The following ARHGAP26 variants were observed in gnomAD, a reference collection of about 807,000 sequenced individuals.
ARHGAP26 encodes Rho GTPase activating protein 26.
Under a neutral mutation model 104.8 loss-of-function variants are expected in ARHGAP26, and 38 were observed. The observed-to-expected ratio is 0.36, with a 90% CI of 0.28 to 0.48. ARHGAP26 has a LOEUF of 0.48. Ranked by LOEUF, ARHGAP26 falls within the 20% of genes least tolerant of loss-of-function variation. The pLI, the probability that ARHGAP26 is intolerant of heterozygous loss-of-function variation, is 0.99. For missense variants in ARHGAP26, 704 were observed against 947.9 expected, an observed-to-expected ratio of 0.74 and a Z score of 3.38; for synonymous variants, 341 against 340.0, an observed-to-expected ratio of 1.00 and a Z score of -0.03.
chr5:143,178,122 C>G (rs1352536705), intron 20 of ARHGAP26, among the ~76,000 whole-genome samples: 1 of 151,604 alleles, frequency 6.6e-6, no homozygotes, highest in African/African-American at 2.4e-5. Flanking sequence ...GCCTCAGCCT[C>G]CCAAGTAGCT....
At chr5:142,892,332 G>A (rs964931308) in intron 5 of ARHGAP26, among the ~76,000 whole-genome samples, 1 of 151,944 alleles carries the variant, frequency 6.6e-6, no homozygotes, top group African/African-American at 2.4e-5. Context: ...GTTTCAGGAT[G>A]ATCCAAGGGC....
chr5:143,045,457 T>C (rs1784081717), intron 14 of ARHGAP26, among the ~76,000 whole-genome samples: 1 of 152,218 alleles, frequency 6.6e-6, no homozygotes, highest in Non-Finnish European at 1.5e-5. Context: ...TCATCTTCTC[T>C]TTTGTGAACA....
chr5:143,092,882 T>G (rs1302693628), intron 17 of ARHGAP26, among the ~76,000 whole-genome samples: 2 of 151,964 alleles, frequency 1.3e-5, no homozygotes, highest in Non-Finnish European at 2.9e-5. Flanking sequence ...TTCCTAACTC[T>G]GCTTCTTCAA....
At chr5:143,120,055 G>C (rs1452760487) in intron 17 of ARHGAP26, among the ~76,000 whole-genome samples, 3 of 152,202 alleles carry the variant, frequency 2.0e-5, no homozygotes. Flanking sequence ...AGTTAGTAAT[G>C]AATAGCTTCC....
intron 1 of ARHGAP26, among the ~76,000 whole-genome samples, chr5:142,794,911 G>A (rs1760662987): frequency 6.6e-6 from 1 of 152,132 alleles, no homozygotes; most frequent in East Asian, 1.9e-4. Context: ...ATAACTAATA[G>A]AGCTTGTTGT....
rs902582439 is a variant in ARHGAP26 at position 143,076,670 on chromosome 5, A to G, written c.1538+18923A>G. ...ATACCCTTTTGAACTATGTTTTGAT[A>G]CTTTAAAAGGGATTATTTTGTGTGT... is the stretch of plus-strand genomic sequence containing the variant. On this transcript the variant is annotated intron_variant, in intron 17 of 22. Transcript: ENST00000645722. Among the ~76,000 whole-genome samples, 5 of 152,242 alleles carry G rather than the reference A, an allele frequency of 3.3e-5. No homozygotes were observed. The East Asian group carries it at 9.6e-4, about 29-fold the overall frequency.
At chr5:143,151,735 C>T (rs918329449) in intron 20 of ARHGAP26, among the ~76,000 whole-genome samples, 1 of 152,110 alleles carries the variant, frequency 6.6e-6, no homozygotes, top group African/African-American at 2.4e-5. Context: ...GCAGGCAGAT[C>T]GCTTGAGGTC....
At position 142,879,429 on chromosome 5, in the gene ARHGAP26, AG is replaced by A. The variant is rs1157375490; in HGVS notation, c.369del (p.Ile124SerfsTer22). On this transcript the variant is annotated frameshift_variant, in exon 4 of 23. Transcript: ENST00000645722. LOFTEE classifies it high-confidence loss of function. ...CCCTTGGAGAAGTTTCGAAAGGAAC[AG>A]ATCGGGGCTGCCAAGGTGAGAATTT... Reference protein sequence around the residue: ...ITPLEKFRKEQIGAAKEAKKK... With the variant: ...ITPLEKFRKEXIGAAKEAKKK... The A allele has an allele frequency of 6.2e-7, 1 of 1,613,044 alleles. No individual in the cohort carries two copies. Among genetic ancestry groups the A allele is most frequent in the Non-Finnish European group, 8.5e-7 (1 of 1,179,680 alleles).
chr5:143,175,626 C>T (rs951774634), intron 20 of ARHGAP26, among the ~76,000 whole-genome samples: 1 of 151,796 alleles, frequency 6.6e-6, no homozygotes, highest in African/African-American at 2.4e-5. Flanking sequence ...GACTTCAACA[C>T]CTGGTCTAGA....
intron 1 of ARHGAP26, among the ~76,000 whole-genome samples, chr5:142,793,101 G>A (rs1760192578): frequency 1.3e-5 from 2 of 151,992 alleles, no homozygotes; most frequent in Non-Finnish European, 2.9e-5. Flanking sequence ...TCGAGTAGTG[G>A]GACCGCAAAC....
At chr5:143,212,763 T>C (rs781092066) in intron 21 of ARHGAP26, among the ~76,000 whole-genome samples, 1 of 152,206 alleles carries the variant, frequency 6.6e-6, no homozygotes, top group Non-Finnish European at 1.5e-5. Flanking sequence ...CACCCGGCCC[T>C]TTGCAGAGAA....
At chr5:143,194,074 G>A (rs1404126616) in intron 20 of ARHGAP26, 1 of 152,176 alleles carries the variant, frequency 6.6e-6, no homozygotes, top group Non-Finnish European at 1.5e-5. Flanking sequence ...GGACTCACCT[G>A]GGTCACTTAG....
rs1764813287 is a variant in ARHGAP26 at position 142,932,083 on chromosome 5, G to A, written c.1065G>A (p.Glu355=). 1 of 1,614,126 alleles carries A rather than the reference G, an allele frequency of 6.2e-7. No individual in the cohort carries two copies. Among genetic ancestry groups the A allele is most frequent in the Non-Finnish European group, 8.5e-7 (1 of 1,179,978 alleles). ...GVITMQALSE[E]DRRLWMEAMD... ...TCACCATGCAAGCTTTGTCGGAAGA[G>A]GACCGGAGGCTCTGGATGGAAGCCA... Residue 355 remains glutamate, a synonymous_variant, in exon 11 of 23, where the codon GAG becomes GAA. Coordinates refer to ENST00000645722, the MANE Select transcript of ARHGAP26 (RefSeq NM_001135608.3).
rs776768618 is a variant in ARHGAP26 at position 142,903,668 on chromosome 5, A to G, written c.831A>G (p.Lys277=). ...TMEGYLYVQE[K]RHFGTSWVKH... is the part of the protein sequence containing the mutation. Reference sequence around the variant, plus strand: ...AGGGATACCTCTACGTGCAGGAGAAACGTGAGTGCTTTGACTAGCAACAGC... The same window carrying G: ...AGGGATACCTCTACGTGCAGGAGAAGCGTGAGTGCTTTGACTAGCAACAGC... Residue 277 remains lysine, a splice_region_variant and synonymous_variant, in exon 8 of 23, where the codon AAA becomes AAG. Transcript: ENST00000645722. The G allele has an allele frequency of 6.2e-7, 1 of 1,613,014 alleles. No individual in the cohort carries two copies. Among genetic ancestry groups the G allele is most frequent in the South Asian group, 1.1e-5 (1 of 90,818 alleles).
At chr5:142,883,721 AC>A (rs1268058632) in intron 4 of ARHGAP26, among the ~76,000 whole-genome samples, 1 of 152,204 alleles carries the variant, frequency 6.6e-6, no homozygotes, top group Non-Finnish European at 1.5e-5. Context: ...GTCTCAGCTC[AC>A]ATCTCCCTTC....
At chr5:142,929,426 T>G (rs1447861264) in intron 10 of ARHGAP26, among the ~76,000 whole-genome samples, 1 of 152,134 alleles carries the variant, frequency 6.6e-6, no homozygotes, top group Admixed American at 6.5e-5. Flanking sequence ...TTATTTTGTT[T>G]TGAGGGATAG....
chr5:143,028,008 T>A (rs942824983), intron 12 of ARHGAP26, among the ~76,000 whole-genome samples: 3 of 152,198 alleles, frequency 2.0e-5, no homozygotes. Context: ...CCCCAGTTCC[T>A]TTCTGACTGT....
intron 11 of ARHGAP26, among the ~76,000 whole-genome samples, chr5:142,937,927 C>T (rs1001878519): frequency 1.3e-5 from 2 of 151,484 alleles, no homozygotes; most frequent in African/African-American, 2.4e-5. Context: ...GCAAGTCCTT[C>T]GTGGTGATGG....
chr5:143,007,193 CGAAAAAA>C (rs1778110556), intron 11 of ARHGAP26, among the ~76,000 whole-genome samples: 1 of 115,306 alleles, frequency 8.7e-6, no homozygotes, highest in African/African-American at 3.4e-5. Context: ...ACTCTGTCTC[CGAAAAAA>C]AAAAAAAAAA....
Sources: gnomAD v4.1 joint callset for allele counts (sites outside exome capture counted in the v4.1 genomes callset) on GRCh38, gnomAD v4.1.1 for gene constraint, MANE v1.5 for transcripts, NCBI Gene and HGNC (gene_info 2026-07-23, HGNC 2026-07-21) for gene names.